The following ADCY5 variants were observed in gnomAD, a reference collection of about 807,000 sequenced individuals.
The protein encoded by ADCY5 is adenylate cyclase type 5.
Under a neutral mutation model 119.7 loss-of-function variants are expected in ADCY5, and 30 were observed. The observed-to-expected ratio is 0.25, with a 90% CI of 0.19 to 0.34. The LOEUF (loss-of-function observed/expected upper bound fraction) is 0.34, where lower values mean the gene tolerates loss of function less well. ADCY5 is among the 10% of genes least tolerant of loss of function. The pLI is 1.00. For synonymous variants in ADCY5, 753 were observed against 762.2 expected (o/e 0.99, Z 0.20); for missense variants, 1,324 against 1,775.2 (o/e 0.75, Z 4.57).
At chr3:123,429,523 A>C (rs1419691853) in intron 1 of ADCY5, among the ~76,000 whole-genome samples, 5 of 146,960 alleles carry the variant, frequency 3.4e-5, no homozygotes, top group East Asian at 4.1e-4. Flanking sequence ...CGACCCACCC[A>C]CCCCCACCTG....
At chr3:123,318,275 A>AC in intron 10 of ADCY5, 158 bp from the exon 11 acceptor site, 1 of 583,998 alleles carries the variant, frequency 1.7e-6, no homozygotes, top group East Asian at 3.0e-5. Context: ...TCAAACTTAG[A>AC]CCCCAGGAAA....
At chr3:123,392,587 C>T (rs1944428025) in intron 1 of ADCY5, among the ~76,000 whole-genome samples, 1 of 152,200 alleles carries the variant, frequency 6.6e-6, no homozygotes, top group South Asian at 2.1e-4. Flanking sequence ...GCCAGTCAGC[C>T]GATGAGTGGT....
At chr3:123,287,658 C>G (rs989299653) in intron 19 of ADCY5, among the ~76,000 whole-genome samples, 28 of 152,206 alleles carry the variant, frequency 1.8e-4, no homozygotes, top group Non-Finnish European at 3.8e-4. Flanking sequence ...CTCAGAACTT[C>G]CTTCCACGAC....
chr3:123,440,901 C>T (rs1945710792), intron 1 of ADCY5, among the ~76,000 whole-genome samples: 1 of 152,194 alleles, frequency 6.6e-6, no homozygotes, highest in Non-Finnish European at 1.5e-5. Context: ...CCACTATGAC[C>T]CAATCGCCTT....
rs529442196 is a variant in ADCY5, at chr3:123,296,625, A to C, written c.2931-409T>G. Among the ~76,000 whole-genome samples, 10 of 152,358 alleles carry C rather than the reference A, an allele frequency of 6.6e-5. No individual in the cohort carries two copies. The South Asian group carries it at 1.0e-3, about 16-fold the overall frequency. ...GGCCATGCTGACCCTGTCTCTGGAC[A>C]ACCTTGGGCAAGTGTCTTAATCTCT... On this transcript the variant is annotated intron_variant, in intron 16 of 20. Coordinates refer to ENST00000462833, the MANE Select transcript of ADCY5 (RefSeq NM_183357.3).
At chr3:123,435,569 A>G (rs150071299) in intron 1 of ADCY5, among the ~76,000 whole-genome samples, 13 of 152,282 alleles carry the variant, frequency 8.5e-5, no homozygotes, top group African/African-American at 2.6e-4. Flanking sequence ...AGATGCCCCA[A>G]ATCAAGGGTC....
chr3:123,375,829 T>C (rs1181594423), intron 1 of ADCY5, among the ~76,000 whole-genome samples: 1 of 152,128 alleles, frequency 6.6e-6, no homozygotes, highest in Non-Finnish European at 1.5e-5. Flanking sequence ...CCCTGGGTAG[T>C]GAATGCCTGT....
chr3:123,289,856 C>G lies in ADCY5; in HGVS notation c.3426G>C (p.Lys1142Asn). 6.2e-7 allele frequency: 1 copy of G among 1,614,208 alleles called. No individual in the cohort carries two copies. Among genetic ancestry groups the G allele is most frequent in the South Asian group, 1.1e-5 (1 of 91,078 alleles). The change falls in exon 19 of 21, where the codon AAG (lysine) becomes AAC (asparagine). Residue 1142 changes from lysine to asparagine, a missense_variant. By Grantham distance (94) the Lys-to-Asn change is moderately conservative. Transcript: ENST00000462833. ...GTGCCTTGATGTGGGTCTTGCCCAC[C>G]TTGTCGTAGGTAGAGTCGTTGAGGC... ...ASGLNDSTYD[K>N]VGKTHIKALA...
At chr3:123,408,924 G>A (rs1048854566) in intron 1 of ADCY5, among the ~76,000 whole-genome samples, 9 of 151,914 alleles carry the variant, frequency 5.9e-5, no homozygotes, top group African/African-American at 1.2e-4. Flanking sequence ...GCAGTGAGCC[G>A]AGGTCCTGCC....
rs557179522 is a variant in ADCY5 at position 123,401,636 on chromosome 3, C to T, written c.1134+45776G>A. 4.6e-5 allele frequency among the ~76,000 whole-genome samples: 7 copies of T among 152,256 alleles called. No homozygotes were observed. In the South Asian group the frequency reaches 1.5e-3, roughly 32 times the overall value. On this transcript the variant is annotated intron_variant, in intron 1 of 20. Transcript: ENST00000462833. ...TGGTGGAAAGGTCAAGGCAGCATTT[C>T]TGGGGGGTAGGGAAGAGAAGCTGGG...
chr3:123,335,111 G>A lies in ADCY5; in HGVS notation c.1407-2436C>T, dbSNP rs1033912119. On this transcript the variant is annotated intron_variant, in intron 3 of 20. Coordinates refer to ENST00000462833, the MANE Select transcript of ADCY5 (RefSeq NM_183357.3). Reference sequence around the variant, plus strand: ...GACAACCCCTGCCCTCGCCACCCCAGGGACAGGCACTGGAGTCCCAGGCAA... The same window carrying A: ...GACAACCCCTGCCCTCGCCACCCCAAGGACAGGCACTGGAGTCCCAGGCAA... Among the ~76,000 whole-genome samples, 28 of 152,154 alleles carry A rather than the reference G, an allele frequency of 1.8e-4. 1 individual carries two copies. The highest frequency in any genetic ancestry group is 1.5e-5 in the Non-Finnish European group (1 of 68,038).
chr3:123,291,519 T>C (rs1939149652), intron 17 of ADCY5, 143 bp from the exon 18 acceptor site: 4 of 974,722 alleles, frequency 4.1e-6, no homozygotes, highest in Non-Finnish European at 6.1e-6. Flanking sequence ...CAAGTACCGC[T>C]GTCTCTCCTC....
chr3:123,406,913 C>A (rs753036038), intron 1 of ADCY5, among the ~76,000 whole-genome samples: 1 of 152,180 alleles, frequency 6.6e-6, no homozygotes, highest in Non-Finnish European at 1.5e-5. Flanking sequence ...GCCAAGCCGC[C>A]GCCACTGCTC....
intron 1 of ADCY5, among the ~76,000 whole-genome samples, chr3:123,445,340 C>G (rs554368481): frequency 1.9e-3 from 112 of 59,718 alleles, no homozygotes; most frequent in African/African-American, 8.4e-3. Context: ...GGAATTGGGG[C>G]CCCCCCCAAG....
At chr3:123,420,992 T>C (rs1359931431) in intron 1 of ADCY5, among the ~76,000 whole-genome samples, 1 of 152,192 alleles carries the variant, frequency 6.6e-6, no homozygotes, top group South Asian at 2.1e-4. Context: ...TCTGTCTCTG[T>C]GTCCAAATTT....
chr3:123,419,027 A>G, intron 1 of ADCY5: 1 of 552,510 alleles, frequency 1.8e-6, no homozygotes, highest in Non-Finnish European at 2.3e-6. Flanking sequence ...CTTACAGACA[A>G]CAGCTCATGG....
chr3:123,299,268 A>G (rs938887623), intron 15 of ADCY5, among the ~76,000 whole-genome samples: 1 of 152,154 alleles, frequency 6.6e-6, no homozygotes, highest in African/African-American at 2.4e-5. Context: ...CACTTGTAAC[A>G]GCTTCTGGAA....
At chr3:123,367,631 T>C (rs1212532855) in intron 1 of ADCY5, among the ~76,000 whole-genome samples, 1 of 152,076 alleles carries the variant, frequency 6.6e-6, no homozygotes. Context: ...GCCAGCCGTG[T>C]AGGTGGAGGG....
chr3:123,296,031 GC>G, intron 17 of ADCY5, 52 bp downstream of exon 17: 1 of 1,601,644 alleles, frequency 6.2e-7, no homozygotes. Flanking sequence ...TGTTGTCTCC[GC>G]CACCTGCTCC....
Sources: allele counts gnomAD v4.1 joint callset (sites outside exome capture counted in the v4.1 genomes callset), GRCh38; gene constraint gnomAD v4.1.1; transcripts MANE v1.5; gene names NCBI Gene and HGNC (gene_info 2026-07-23, HGNC 2026-07-21).